Variants in PCSK2 observed in about 807,000 individuals in gnomAD.
PCSK2 encodes the protein neuroendocrine convertase 2.
PCSK2 carries 14 observed loss-of-function variants against 69.7 expected under a neutral mutation model. The ratio of observed to expected loss-of-function variants is 0.20; its 90% CI spans 0.13 to 0.31. PCSK2 has a LOEUF of 0.31. Ranked by LOEUF, PCSK2 falls within the 10% of genes least tolerant of loss-of-function variation. The pLI is 1.00. For missense variants in PCSK2, 544 were observed against 842.5 expected, an observed-to-expected ratio of 0.65 and a Z score of 4.39; for synonymous variants, 307 against 320.7, an observed-to-expected ratio of 0.96 and a Z score of 0.46.
rs900297055 is a variant in PCSK2 at position 17,454,163 on chromosome 20, C to G, written c.1101+206C>G. Among the ~76,000 whole-genome samples the G allele has an allele frequency of 4.6e-5, 7 of 152,322 alleles. No homozygotes were observed. In the East Asian group the frequency reaches 9.6e-4, roughly 21 times the overall value. On this transcript the variant is annotated intron_variant, in intron 9 of 11. Transcript: ENST00000262545. ...CCCATCTGCGAGCTAGTAGCATGAT[C>G]GGTGAGGACTCCTTTCTGGATCGTT...
chr20:17,338,171 TG>T lies in PCSK2; in HGVS notation c.283-20145del, dbSNP rs71192374. 9.6e-3 allele frequency among the ~76,000 whole-genome samples: 1,089 copies of T among 112,850 alleles called. 27 individuals are homozygous for T. The highest frequency in any genetic ancestry group is 0.029 in the African/African-American group (884 of 30,946). The allele number at this position is 112,850 out of a possible 152,430, so 74.0% of individuals were successfully genotyped here. A position where few individuals can be genotyped will look rare whatever the true frequency, so the allele number is the denominator to read the frequency against. On this transcript the variant is annotated intron_variant, in intron 2 of 11. Transcript: ENST00000262545. ...CTGAGAAGAAACCTTACATTTTTTT[TG>T]GGGGGGGGGGTTGTGTTTTTGTTTT...
intron 2 of PCSK2, among the ~76,000 whole-genome samples, chr20:17,264,856 C>CT (rs1228450095): frequency 1.4e-5 from 1 of 74,028 alleles, no homozygotes; most frequent in Non-Finnish European, 2.7e-5. Flanking sequence ...ATTTTCTTTT[C>CT]TTTCTTTCTT....
At chr20:17,354,764 A>G (rs1365023684) in intron 2 of PCSK2, among the ~76,000 whole-genome samples, 1 of 152,192 alleles carries the variant, frequency 6.6e-6, no homozygotes, top group African/African-American at 2.4e-5. Context: ...ATGGTAGGAT[A>G]CTCAGTGAAA....
intron 2 of PCSK2, among the ~76,000 whole-genome samples, chr20:17,309,744 G>T (rs1474919615): frequency 6.6e-6 from 1 of 152,066 alleles, no homozygotes; most frequent in Non-Finnish European, 1.5e-5. Flanking sequence ...CTTGAACTTG[G>T]AAGGAGGAGG....
intron 1 of PCSK2, among the ~76,000 whole-genome samples, chr20:17,248,175 GGTGTGTGTGTGTGTGTGT>G (rs10640964): frequency 1.8e-3 from 255 of 144,482 alleles, no homozygotes; most frequent in South Asian, 0.012. Context: ...TATAAAAAAG[GGTGTGTGTGTGTGTGTGT>G]GTGTGTGTGT....
chr20:17,355,063 G>C (rs562969707), intron 2 of PCSK2, among the ~76,000 whole-genome samples: 1 of 152,262 alleles, frequency 6.6e-6, no homozygotes, highest in South Asian at 2.1e-4. Flanking sequence ...TTGCAAGGAG[G>C]CAGTGCCCAG....
intron 1 of PCSK2, among the ~76,000 whole-genome samples, chr20:17,249,834 G>T (rs1218523650): frequency 6.6e-6 from 1 of 151,568 alleles, no homozygotes; most frequent in Non-Finnish European, 1.5e-5. Context: ...GGATTCCAGG[G>T]CTGGGGGGGG....
intron 11 of PCSK2, chr20:17,479,299 C>A (rs2033347967): frequency 2.3e-6 from 2 of 864,316 alleles, no homozygotes; most frequent in South Asian, 1.3e-5. Flanking sequence ...ACTATGCTTG[C>A]GGTCCACTGG....
chr20:17,285,329 T>C (rs1988474786), intron 2 of PCSK2, among the ~76,000 whole-genome samples: 1 of 152,226 alleles, frequency 6.6e-6, no homozygotes. Context: ...ACTTATTTTG[T>C]GTAAGGAATA....
At chr20:17,428,503 T>G (rs2032294845) in intron 6 of PCSK2, among the ~76,000 whole-genome samples, 1 of 152,168 alleles carries the variant, frequency 6.6e-6, no homozygotes, top group African/African-American at 2.4e-5. Flanking sequence ...TCCCAGACAG[T>G]GCACTAGTTG....
At chr20:17,284,102 G>A (rs779290377) in intron 2 of PCSK2, among the ~76,000 whole-genome samples, 8 of 152,164 alleles carry the variant, frequency 5.3e-5, no homozygotes, top group Non-Finnish European at 7.3e-5. Flanking sequence ...ATCTCATCTG[G>A]TTTGGGAGTT....
intron 6 of PCSK2, among the ~76,000 whole-genome samples, chr20:17,412,314 AAC>A (rs2031893166): frequency 6.6e-6 from 1 of 152,226 alleles, no homozygotes; most frequent in Non-Finnish European, 1.5e-5. Flanking sequence ...AACCAGAATA[AAC>A]AGTGTAGAGA....
chr20:17,242,207 G>A (rs1167898058), intron 1 of PCSK2, among the ~76,000 whole-genome samples: 1 of 152,172 alleles, frequency 6.6e-6, no homozygotes, highest in Non-Finnish European at 1.5e-5. Context: ...CATTATCCGT[G>A]GAGAACAAAT....
At chr20:17,426,173 G>GTAACT (rs2032244149) in intron 6 of PCSK2, among the ~76,000 whole-genome samples, 1 of 152,092 alleles carries the variant, frequency 6.6e-6, no homozygotes, top group South Asian at 2.1e-4. Flanking sequence ...CTGAATCATG[G>GTAACT]GGTCAGTTTC....
At chr20:17,421,804 A>T in intron 6 of PCSK2, among the ~76,000 whole-genome samples, 1 of 111,876 alleles carries the variant, frequency 8.9e-6, no homozygotes, top group South Asian at 4.0e-4. Context: ...AAAGGAAGAG[A>T]GGTAAAAAAA....
At chr20:17,312,626 C>T (rs1568598145) in intron 2 of PCSK2, among the ~76,000 whole-genome samples, 1 of 152,038 alleles carries the variant, frequency 6.6e-6, no homozygotes, top group Non-Finnish European at 1.5e-5. Context: ...CACTGTTCTG[C>T]ACACAGTAGG....
At chr20:17,371,065 CT>C (rs1320454349) in intron 5 of PCSK2, among the ~76,000 whole-genome samples, 14 of 152,222 alleles carry the variant, frequency 9.2e-5, no homozygotes, top group Non-Finnish European at 1.6e-4. Flanking sequence ...GTTCTGCTCA[CT>C]TTCCCAAACC....
chr20:17,263,683 A>G (rs567844505), intron 2 of PCSK2, among the ~76,000 whole-genome samples: 1 of 152,352 alleles, frequency 6.6e-6, no homozygotes, highest in South Asian at 2.1e-4. Flanking sequence ...TGTGGGTAAC[A>G]GAAACCAATG....
At chr20:17,451,606 T>C (rs1199578793) in intron 8 of PCSK2, among the ~76,000 whole-genome samples, 2 of 152,138 alleles carry the variant, frequency 1.3e-5, no homozygotes, top group Admixed American at 1.3e-4. Context: ...CCACATTCTA[T>C]TGGCCAAAGC....
Sources: gnomAD v4.1 joint callset for allele counts (sites outside exome capture counted in the v4.1 genomes callset) on GRCh38, gnomAD v4.1.1 for gene constraint, MANE v1.5 for transcripts, NCBI Gene and HGNC (gene_info 2026-07-23, HGNC 2026-07-21) for gene names.